Variants in IL17B observed in about 807,000 individuals in gnomAD.
The protein encoded by IL17B is interleukin-17B.
A neutral mutation model predicts 14.7 loss-of-function variants in IL17B; 14 were observed. The ratio of observed to expected loss-of-function variants is 0.95; its 90% CI spans 0.63 to 1.49. The LOEUF (loss-of-function observed/expected upper bound fraction) is 1.49. IL17B is among the 40% of genes most tolerant of loss of function. The probability of loss-of-function intolerance (pLI) is 0.00; values close to 1 mark genes in which losing one functional copy is unlikely to be tolerated. For missense variants in IL17B, 233 were observed against 252.8 expected (o/e 0.92, Z 0.53); for synonymous variants, 105 against 94.8 (o/e 1.11, Z -0.62).
chr5:149,395,543 T>C lies in IL17B; in HGVS notation n.95+8565A>G, dbSNP rs1759075494. Among the ~76,000 whole-genome samples the C allele has an allele frequency of 2.0e-5, 3 of 152,262 alleles. No individual in the cohort carries two copies. In the South Asian group the frequency reaches 6.2e-4, roughly 31 times the overall value. The stretch of plus-strand genomic sequence containing the variant: ...ATCCTACTGTGCACATAATTACTTT[T>C]GAACAGGTCAGTGATTTCACTAGCT... On this transcript the variant is annotated intron_variant and non_coding_transcript_variant, in intron 1 of 2. Transcript: ENST00000505432.
chr5:149,396,934 AT>A (rs1759105072), intron 1 of IL17B, among the ~76,000 whole-genome samples: 1 of 152,142 alleles, frequency 6.6e-6, no homozygotes, highest in African/African-American at 2.4e-5. Flanking sequence ...GCATGGCGCT[AT>A]ATGGGAAGGG....
In IL17B at chr5:149,374,886, G is replaced by A. The variant is rs1293029935; in HGVS notation, c.312-286C>T. 5.6e-6 allele frequency: 2 copies of A among 355,722 alleles called. No individual in the cohort carries two copies. The highest frequency in any genetic ancestry group is 1.3e-4 in the South Asian group (2 of 15,628). The allele number at this position is 355,722 out of a possible 1,614,324, so 22.0% of individuals were successfully genotyped here. A position where few individuals can be genotyped will look rare whatever the true frequency, so the allele number is the denominator to read the frequency against. ...CCATCCCAGTACTAGGTTGCGCTGT[G>A]GGGATTGTGGAGTAGCCCTCTACCA... On this transcript the variant is annotated intron_variant, in intron 2 of 2. Transcript: ENST00000261796. This position sits in a 1 kb window ranked among gnomAD's most constrained non-coding sequence, Gnocchi z 5.0.
At chr5:149,400,811 G>A (rs1263822197) in intron 1 of IL17B, among the ~76,000 whole-genome samples, 1 of 152,196 alleles carries the variant, frequency 6.6e-6, no homozygotes, top group Non-Finnish European at 1.5e-5. Flanking sequence ...TGCCACTGGT[G>A]TAAGTCCCAG....
At chr5:149,394,868 CT>C (rs1056671010) in intron 1 of IL17B, among the ~76,000 whole-genome samples, 1 of 152,074 alleles carries the variant, frequency 6.6e-6, no homozygotes, top group East Asian at 1.9e-4. Flanking sequence ...ATGTTCCCAT[CT>C]TTTTTTTAAC....
chr5:149,392,986 G>GC (rs199801056), intron 1 of IL17B, among the ~76,000 whole-genome samples: 2 of 66,698 alleles, frequency 3.0e-5, no homozygotes, highest in African/African-American at 1.5e-4. Context: ...GCGTGTGTGT[G>GC]TGCGTGTGTG....
chr5:149,377,225 C>G (rs375740528), intron 1 of IL17B, among the ~76,000 whole-genome samples, 200 bp from the exon 2 acceptor site: 7 of 152,174 alleles, frequency 4.6e-5, no homozygotes, highest in South Asian at 2.1e-4. Flanking sequence ...GGTCTTCTCT[C>G]AGTCTTACAC....
At chr5:149,375,828 G>A (rs527980077) in intron 2 of IL17B, among the ~76,000 whole-genome samples, 8 of 152,274 alleles carry the variant, frequency 5.3e-5, no homozygotes, top group Admixed American at 1.3e-4. Flanking sequence ...GCAGTGAGCC[G>A]AGACCATGCC....
intron 1 of IL17B, among the ~76,000 whole-genome samples, chr5:149,386,013 G>A (rs569284841): frequency 1.3e-5 from 2 of 152,304 alleles, no homozygotes; most frequent in African/African-American, 2.4e-5. Flanking sequence ...GACTTCTTTT[G>A]CAGGTTGGGT....
chr5:149,380,369 T>C (rs1758661793), upstream of IL17B, among the ~76,000 whole-genome samples: 1 of 152,204 alleles, frequency 6.6e-6, no homozygotes, highest in Non-Finnish European at 1.5e-5. Flanking sequence ...ATAAAATAAT[T>C]GTATAATTAT....
At chr5:149,378,261 G>T (rs1383245375) in intron 1 of IL17B, among the ~76,000 whole-genome samples, 1 of 152,158 alleles carries the variant, frequency 6.6e-6, no homozygotes, top group African/African-American at 2.4e-5. Flanking sequence ...AGGATGTCCT[G>T]TCCGCCTGCA....
chr5:149,397,989 T>C (rs1350944348), intron 1 of IL17B, among the ~76,000 whole-genome samples: 1 of 152,006 alleles, frequency 6.6e-6, no homozygotes, highest in African/African-American at 2.4e-5. Flanking sequence ...CCCTACCTAT[T>C]CCACTCAGAC....
chr5:149,385,976 GC>G (rs945369370), intron 1 of IL17B, among the ~76,000 whole-genome samples: 11 of 152,318 alleles, frequency 7.2e-5, no homozygotes, highest in African/African-American at 2.6e-4. Flanking sequence ...CTCATGGGTG[GC>G]AGGGGCTCAT....
upstream of IL17B, among the ~76,000 whole-genome samples, chr5:149,381,805 C>T (rs1758705149): frequency 6.6e-6 from 1 of 152,170 alleles, no homozygotes; most frequent in South Asian, 2.1e-4. Flanking sequence ...GAGTGTGAAC[C>T]CAGGCAGGCC....
chr5:149,391,914 G>C (rs1013638598), intron 1 of IL17B, among the ~76,000 whole-genome samples: 2 of 152,092 alleles, frequency 1.3e-5, no homozygotes, highest in African/African-American at 4.8e-5. Flanking sequence ...CAGTTCCCAG[G>C]CCTCCTCCTT....
chr5:149,387,409 C>G (rs1758847029), intron 1 of IL17B, among the ~76,000 whole-genome samples: 1 of 152,188 alleles, frequency 6.6e-6, no homozygotes, highest in Non-Finnish European at 1.5e-5. Flanking sequence ...GCCAAGGACC[C>G]ACGCAGATGC....
chr5:149,382,047 G>A (rs908980280), upstream of IL17B, among the ~76,000 whole-genome samples: 2 of 152,216 alleles, frequency 1.3e-5, no homozygotes, highest in Non-Finnish European at 2.9e-5. Flanking sequence ...GAGCAGTGCT[G>A]CACTCACCAG....
intron 1 of IL17B, among the ~76,000 whole-genome samples, chr5:149,386,743 C>A (rs1387076925): frequency 1.3e-5 from 2 of 152,162 alleles, no homozygotes; most frequent in Admixed American, 1.3e-4. Context: ...GTTCTTGTGT[C>A]ACCAGGCTGG....
At chr5:149,382,142 G>C (rs141969938), upstream of IL17B, among the ~76,000 whole-genome samples, 1 of 152,220 alleles carries the variant, frequency 6.6e-6, no homozygotes, top group Non-Finnish European at 1.5e-5. Context: ...CTTTCTCCAA[G>C]AGCGGCCCGG....
At chr5:149,385,095 T>C (rs13164030) in intron 1 of IL17B, among the ~76,000 whole-genome samples, 3 of 151,256 alleles carry the variant, frequency 2.0e-5, no homozygotes, top group Non-Finnish European at 2.9e-5. Context: ...TGTATTTTTA[T>C]TAGAAACAGG....
Sources: gnomAD v4.1 joint callset for allele counts (sites outside exome capture counted in the v4.1 genomes callset) on GRCh38, gnomAD v4.1.1 for gene constraint, Gnocchi (gnomAD v3.1) non-coding constraint, MANE v1.5 for transcripts, NCBI Gene and HGNC (gene_info 2026-07-23, HGNC 2026-07-21) for gene names.